The following SERINC5 variants were observed in gnomAD, a reference collection of about 807,000 sequenced individuals.
SERINC5 encodes serine incorporator 5.
Under a neutral mutation model 63.1 loss-of-function variants are expected in SERINC5, and 41 were observed. The ratio of observed to expected loss-of-function variants is 0.65; its 90% CI spans 0.51 to 0.84. The LOEUF is 0.84. SERINC5 is among the 40% of genes least tolerant of loss of function. SERINC5 has a pLI of 0.00. For missense variants in SERINC5, 523 were observed against 573.0 expected, an observed-to-expected ratio of 0.91 and a Z score of 0.89; for synonymous variants, 222 against 215.2, an observed-to-expected ratio of 1.03 and a Z score of -0.28.
intron 2 of SERINC5, among the ~76,000 whole-genome samples, chr5:80,178,400 T>C (rs1748186242): frequency 7.9e-6 from 1 of 126,930 alleles, no homozygotes; most frequent in Non-Finnish European, 1.6e-5. Context: ...TCTGGCTCTG[T>C]TGCCCGGCCT....
intron 2 of SERINC5, among the ~76,000 whole-genome samples, chr5:80,200,958 G>C (rs1328587548): frequency 6.6e-6 from 1 of 151,988 alleles, no homozygotes; most frequent in African/African-American, 2.4e-5. Context: ...ATTTAGCCAG[G>C]CATGGTGGCA....
rs563153454 is a variant in SERINC5 at position 80,186,886 on chromosome 5, T to C, written c.196-8822A>G. ...AAATGCAATATTAGGCCAGGCGCGG[T>C]GGCTCACGTATGTAATCCCAGCATT... is the stretch of plus-strand genomic sequence containing the variant. On this transcript the variant is annotated intron_variant, in intron 2 of 11. Transcript: ENST00000507668. 1.1e-4 allele frequency among the ~76,000 whole-genome samples: 16 copies of C among 152,298 alleles called. No individual in the cohort carries two copies. The South Asian group carries it at 3.3e-3, about 32-fold the overall frequency.
At chr5:80,246,903 T>A (rs903465055) in intron 1 of SERINC5, among the ~76,000 whole-genome samples, 6 of 152,200 alleles carry the variant, frequency 3.9e-5, no homozygotes, top group Non-Finnish European at 8.8e-5. Context: ...TGCCTAATAT[T>A]TGGGAACAAT....
chr5:80,154,606 A>T (rs1022882675), intron 8 of SERINC5, among the ~76,000 whole-genome samples: 2 of 151,928 alleles, frequency 1.3e-5, no homozygotes, highest in Non-Finnish European at 2.9e-5. Context: ...ACCCCCCCAT[A>T]AAGGCCCAGA....
chr5:80,165,659 T>G (rs774361662), intron 7 of SERINC5, among the ~76,000 whole-genome samples: 10 of 152,196 alleles, frequency 6.6e-5, no homozygotes, highest in Non-Finnish European at 1.3e-4. Context: ...TGAGGTCACA[T>G]AGCCAGTAAA....
At chr5:80,235,856 T>C (rs183086135) in intron 1 of SERINC5, among the ~76,000 whole-genome samples, 1 of 150,692 alleles carries the variant, frequency 6.6e-6, no homozygotes, top group Admixed American at 6.6e-5. Context: ...CCTTTTAAAT[T>C]TTTCTGTTAT....
chr5:80,198,772 G>T (rs1321064026), intron 2 of SERINC5: 3 of 907,070 alleles, frequency 3.3e-6, no homozygotes, highest in African/African-American at 3.6e-5. Context: ...CAGATGGCCA[G>T]CTCCCTTGTG....
intron 12 of SERINC5, among the ~76,000 whole-genome samples, chr5:80,112,729 T>C (rs1744166670): frequency 6.6e-6 from 1 of 152,096 alleles, no homozygotes; most frequent in South Asian, 2.1e-4. Context: ...GGAGGTTCAC[T>C]TGAACCCAGG....
chr5:80,152,144 AG>A (rs1209431189), intron 8 of SERINC5, among the ~76,000 whole-genome samples: 1 of 152,228 alleles, frequency 6.6e-6, no homozygotes, highest in Non-Finnish European at 1.5e-5. Context: ...GCCTGGTCAG[AG>A]GAAGACAGAA....
chr5:80,118,202 CA>C (rs952877645), intron 11 of SERINC5, among the ~76,000 whole-genome samples: 10 of 148,388 alleles, frequency 6.7e-5, no homozygotes, highest in South Asian at 2.1e-4. Flanking sequence ...GACTCCACCT[CA>C]AAAAAAAAAT....
rs370784597 is a variant in SERINC5, at chr5:80,157,583, T to C, written c.986+1253A>G. 1.3e-4 allele frequency: 19 copies of C among 151,250 alleles called. No homozygotes were observed. In the East Asian group the frequency reaches 1.4e-3, roughly 11 times the overall value. 9.4% of individuals were successfully genotyped at this position (151,250 alleles called of 1,614,324 possible). ...GTTGTCTAGGCTGGTCTCAAATTCC[T>C]GGGTTCAAGTGATCCTCCTGCCTCA... is the stretch of plus-strand genomic sequence containing the variant. On this transcript the variant is annotated intron_variant, in intron 8 of 11. Transcript: ENST00000507668.
chr5:80,132,584 G>A (rs1202227543), intron 11 of SERINC5, among the ~76,000 whole-genome samples: 1 of 149,354 alleles, frequency 6.7e-6, no homozygotes, highest in Non-Finnish European at 1.5e-5. Context: ...TTACCTATAT[G>A]CATTTGCCTT....
At chr5:80,255,813 C>A (rs1752650173) in intron 1 of SERINC5, 83 bp downstream of exon 1, 1 of 1,427,464 alleles carries the variant, frequency 7.0e-7, no homozygotes, top group Non-Finnish European at 9.6e-7. Context: ...GCTGGGAGCG[C>A]ACCCAGGCAG....
downstream of SERINC5, among the ~76,000 whole-genome samples, chr5:80,136,488 T>C (rs1433340257): frequency 6.6e-6 from 1 of 152,160 alleles, no homozygotes; most frequent in Non-Finnish European, 1.5e-5. Flanking sequence ...GATAGCCACA[T>C]GTTGAAGAAC....
chr5:80,250,750 C>A (rs570670026), intron 1 of SERINC5, among the ~76,000 whole-genome samples: 12 of 152,236 alleles, frequency 7.9e-5, no homozygotes, highest in African/African-American at 2.9e-4. Context: ...CTGATAAGAC[C>A]CCTATTCCAG....
intron 1 of SERINC5, among the ~76,000 whole-genome samples, chr5:80,252,465 G>A (rs903727688): frequency 3.9e-5 from 6 of 152,254 alleles, no homozygotes; most frequent in African/African-American, 1.4e-4. Context: ...CGTGTCTCTA[G>A]GGGCCTAGCA....
chr5:80,150,164 TTACA>T (rs1746076419), intron 9 of SERINC5, among the ~76,000 whole-genome samples: 1 of 152,282 alleles, frequency 6.6e-6, no homozygotes, highest in East Asian at 1.9e-4. Context: ...CAAACAGCTA[TTACA>T]TAATCTCACA....
chr5:80,218,805 T>G (rs529755165), intron 1 of SERINC5, among the ~76,000 whole-genome samples: 111 of 152,104 alleles, frequency 7.3e-4, no homozygotes, highest in South Asian at 2.5e-3. Flanking sequence ...CACGTGCAGA[T>G]TCAACCACTG....
intron 12 of SERINC5, among the ~76,000 whole-genome samples, chr5:80,112,216 T>C (rs115881778): frequency 0.049 from 7,471 of 152,230 alleles, 606 homozygotes; most frequent in African/African-American, 0.17. Flanking sequence ...TAAAACCCGA[T>C]TGTAGAAAAC....
Sources: gnomAD v4.1 joint callset for allele counts (sites outside exome capture counted in the v4.1 genomes callset) on GRCh38, gnomAD v4.1.1 for gene constraint, MANE v1.5 for transcripts, NCBI Gene and HGNC (gene_info 2026-07-23, HGNC 2026-07-21) for gene names.